Variants in GRM7 observed in about 807,000 individuals in gnomAD.
GRM7 encodes metabotropic glutamate receptor 7.
Under a neutral mutation model 84.5 loss-of-function variants are expected in GRM7, and 35 were observed. The observed-to-expected ratio is 0.41, with a 90% CI of 0.32 to 0.55. The LOEUF is 0.55. Ranked by LOEUF, GRM7 falls within the 20% of genes least tolerant of loss-of-function variation. The pLI is 0.19. For missense variants in GRM7, 1,003 were observed against 1,194.6 expected, an observed-to-expected ratio of 0.84 and a Z score of 2.36; for synonymous variants, 487 against 455.1, an observed-to-expected ratio of 1.07 and a Z score of -0.89.
intron 1 of GRM7, among the ~76,000 whole-genome samples, chr3:7,057,132 C>T (rs566082973): frequency 6.6e-6 from 1 of 151,912 alleles, no homozygotes; most frequent in East Asian, 1.9e-4. Flanking sequence ...GTAAGTGTTG[C>T]CTGTGATAGA....
At chr3:6,947,688 C>T (rs1228298563) in intron 1 of GRM7, among the ~76,000 whole-genome samples, 2 of 152,050 alleles carry the variant, frequency 1.3e-5, no homozygotes, top group African/African-American at 2.4e-5. Context: ...TGGTCCTGGA[C>T]TTTTTTTGGT....
chr3:7,026,442 G>A lies in GRM7; in HGVS notation c.520-120010G>A, dbSNP rs535910971. On this transcript the variant is annotated intron_variant, in intron 1 of 9. Transcript: ENST00000357716. ...ACTTACTCTTGATTATAAATGCTGC[G>A]GGGATAAGAGAATTTGCCGTGTTGA... Among the ~76,000 whole-genome samples the A allele has an allele frequency of 5.3e-5, 8 of 152,258 alleles. No homozygotes were observed. In the South Asian group the frequency reaches 6.2e-4, roughly 12 times the overall value.
chr3:7,146,104 C>T (rs1694103035), intron 1 of GRM7, among the ~76,000 whole-genome samples: 1 of 152,148 alleles, frequency 6.6e-6, no homozygotes, highest in Non-Finnish European at 1.5e-5. Flanking sequence ...ATTTTTATTT[C>T]TATTGGTTTA....
At chr3:7,295,658 A>G (rs1699788143) in intron 2 of GRM7, among the ~76,000 whole-genome samples, 2 of 152,284 alleles carry the variant, frequency 1.3e-5, no homozygotes, top group Admixed American at 6.5e-5. Context: ...CCTTGTACAT[A>G]TTTTGTTGCC....
At chr3:7,265,719 T>C (rs1237805487) in intron 2 of GRM7, among the ~76,000 whole-genome samples, 1 of 152,188 alleles carries the variant, frequency 6.6e-6, no homozygotes, top group African/African-American at 2.4e-5. Flanking sequence ...TGTCCTCTTA[T>C]TTGTTTCCCA....
intron 9 of GRM7, among the ~76,000 whole-genome samples, chr3:7,689,564 T>A (rs1193076261): frequency 1.3e-5 from 2 of 152,204 alleles, no homozygotes. Context: ...AGGCTTGATA[T>A]CTCAGCATAT....
chr3:7,092,432 A>G lies in GRM7; in HGVS notation c.520-54020A>G, dbSNP rs150731916. ...TTTAATGAGTCTCGGGCAATTGACA[A>G]TCATTTTGTACCTCAGTTTGCTTTT... is the stretch of plus-strand genomic sequence containing the variant. On this transcript the variant is annotated intron_variant, in intron 1 of 9. Transcript: ENST00000357716. Among the ~76,000 whole-genome samples, 1,499 of 152,292 alleles carry G rather than the reference A, an allele frequency of 9.8e-3. 11 individuals are homozygous for G. Among genetic ancestry groups the G allele is most frequent in the Non-Finnish European group, 0.012 (832 of 68,018 alleles).
At position 7,193,032 on chromosome 3, in the gene GRM7, AC is replaced by A. The variant is rs551059064; in HGVS notation, c.736+46365del. ...TTATCTTTGGCCTTCATTTCTTTTT[AC>A]TTTTTTTGTTCGTTTGTTTTGGTGG... On this transcript the variant is annotated intron_variant, in intron 2 of 9. Coordinates refer to ENST00000357716, the MANE Select transcript of GRM7 (RefSeq NM_000844.4). Among the ~76,000 whole-genome samples, 4 of 151,770 alleles carry A rather than the reference AC, an allele frequency of 2.6e-5. No homozygotes were observed. In the South Asian group the frequency reaches 6.3e-4, roughly 24 times the overall value.
intron 4 of GRM7, among the ~76,000 whole-genome samples, chr3:7,327,891 A>G (rs1480025730): frequency 1.3e-5 from 2 of 152,248 alleles, no homozygotes; most frequent in Admixed American, 6.5e-5. Flanking sequence ...GCTATTCTAA[A>G]TAATGTATCA....
rs539902326 is a variant in GRM7 at position 7,349,295 on chromosome 3, C to A, written c.1033+42643C>A. Among the ~76,000 whole-genome samples the A allele has an allele frequency of 3.3e-5, 5 of 152,252 alleles. No individual in the cohort carries two copies. The South Asian group carries it at 1.0e-3, about 32-fold the overall frequency. ...CTATTCATTAAGAGACTGGCCACTG[C>A]AAACTTTCCATTTCAGGTTGCTGTA... is the stretch of plus-strand genomic sequence containing the variant. On this transcript the variant is annotated intron_variant, in intron 4 of 9. Coordinates refer to ENST00000357716, the MANE Select transcript of GRM7 (RefSeq NM_000844.4).
chr3:7,738,550 C>T (rs1178777189), intron 9 of GRM7, among the ~76,000 whole-genome samples: 1 of 152,118 alleles, frequency 6.6e-6, no homozygotes, highest in Non-Finnish European at 1.5e-5. Context: ...ATTTTCTAAC[C>T]TACTTATTCT....
At chr3:7,673,101 T>C (rs1699987785) in intron 8 of GRM7, among the ~76,000 whole-genome samples, 2 of 152,206 alleles carry the variant, frequency 1.3e-5, no homozygotes, top group South Asian at 4.1e-4. Context: ...TGAGTGGTTG[T>C]TACATGCTAG....
At chr3:7,458,698 C>T (rs1698120928) in intron 6 of GRM7, among the ~76,000 whole-genome samples, 1 of 152,178 alleles carries the variant, frequency 6.6e-6, no homozygotes, top group Non-Finnish European at 1.5e-5. Flanking sequence ...AGCTGGTGCA[C>T]TTGAGTTCCT....
intron 1 of GRM7, among the ~76,000 whole-genome samples, chr3:7,103,744 C>CCCTT: frequency 2.2e-5 from 3 of 136,866 alleles, no homozygotes; most frequent in African/African-American, 9.5e-5. Context: ...CTCTTTCTCT[C>CCCTT]TCTCCCTTTC....
In GRM7 at chr3:7,353,100, G is replaced by A. The variant is rs377714430; in HGVS notation, c.1033+46448G>A. ...GTGCAGTAGTGGTTGCCTCTGAGGCGGTCACTAGGCAAGACACTGCTGATT... is the reference window on the plus strand; with the variant it reads ...GTGCAGTAGTGGTTGCCTCTGAGGCAGTCACTAGGCAAGACACTGCTGATT... On this transcript the variant is annotated intron_variant, in intron 4 of 9. Coordinates refer to ENST00000357716, the MANE Select transcript of GRM7 (RefSeq NM_000844.4). Among the ~76,000 whole-genome samples, 62 of 152,026 alleles carry A rather than the reference G, an allele frequency of 4.1e-4. 1 individual carries two copies. In the South Asian group the frequency reaches 9.4e-3, roughly 23 times the overall value.
chr3:7,249,079 C>A (rs1386187194), intron 2 of GRM7, among the ~76,000 whole-genome samples: 2 of 152,044 alleles, frequency 1.3e-5, no homozygotes, highest in Non-Finnish European at 2.9e-5. Flanking sequence ...TTCTAGAAGT[C>A]TCTGTGTAGT....
chr3:6,909,046 A>G (rs1403451656), intron 1 of GRM7, among the ~76,000 whole-genome samples: 2 of 152,190 alleles, frequency 1.3e-5, no homozygotes. Flanking sequence ...TGCATAAGTC[A>G]TTAAATCCTT....
chr3:6,974,662 G>A (rs1693918454), intron 1 of GRM7, among the ~76,000 whole-genome samples: 3 of 152,262 alleles, frequency 2.0e-5, no homozygotes, highest in South Asian at 2.1e-4. Flanking sequence ...ACTGTGTTAA[G>A]AGCTGCTGCC....
intron 5 of GRM7, among the ~76,000 whole-genome samples, chr3:7,415,424 G>C (rs995096137): frequency 6.6e-6 from 1 of 152,018 alleles, no homozygotes; most frequent in Non-Finnish European, 1.5e-5. Flanking sequence ...ATGTTGCTTT[G>C]AATCCTCTTG....
Sources: gnomAD v4.1 joint callset for allele counts (sites outside exome capture counted in the v4.1 genomes callset) on GRCh38, gnomAD v4.1.1 for gene constraint, MANE v1.5 for transcripts, NCBI Gene and HGNC (gene_info 2026-07-23, HGNC 2026-07-21) for gene names.